Variants in GNG7 observed in about 807,000 individuals in gnomAD.
The protein encoded by GNG7 is G protein subunit gamma 7, also known as guanine nucleotide-binding protein G(I)/G(S)/G(O) subunit gamma-7.
A neutral mutation model predicts 4.0 loss-of-function variants in GNG7; 1 was observed. The ratio of observed to expected loss-of-function variants is 0.25; its 90% CI spans 0.09 to 1.18. GNG7 has a LOEUF of 1.18. Ranked by LOEUF, GNG7 falls within the 50% of genes most tolerant of loss-of-function variation. The pLI is 0.50. For missense variants in GNG7, 86 were observed against 91.9 expected (o/e 0.94, Z 0.26); for synonymous variants, 34 against 36.9 (o/e 0.92, Z 0.29).
At chr19:2,552,845 G>A (rs1979374129) in intron 3 of GNG7, among the ~76,000 whole-genome samples, 1 of 95,304 alleles carries the variant, frequency 1.0e-5, no homozygotes, top group South Asian at 3.8e-4. Flanking sequence ...CCATCCTCCC[G>A]GCTCCACCCC....
intron 1 of GNG7, among the ~76,000 whole-genome samples, chr19:2,651,275 TCCC>T (rs1568274477): frequency 3.4e-4 from 30 of 87,560 alleles, no homozygotes; most frequent in African/African-American, 1.5e-3. Flanking sequence ...CTTCCTTCCC[TCCC>T]TCCCTCCATC....
chr19:2,539,916 T>C (rs758477), intron 3 of GNG7, among the ~76,000 whole-genome samples: 15 of 120,840 alleles, frequency 1.2e-4, no homozygotes, highest in South Asian at 3.0e-4. Flanking sequence ...TCCCTCCCTC[T>C]TTCTCTTTCT....
At chr19:2,586,287 C>T (rs1485580382) in intron 2 of GNG7, among the ~76,000 whole-genome samples, 1 of 152,216 alleles carries the variant, frequency 6.6e-6, no homozygotes, top group African/African-American at 2.4e-5. Flanking sequence ...TGTGGCAAGA[C>T]CCCTTGTTGG....
At chr19:2,636,608 A>G (rs1437873662) in intron 2 of GNG7, among the ~76,000 whole-genome samples, 1 of 151,768 alleles carries the variant, frequency 6.6e-6, no homozygotes, top group Non-Finnish European at 1.5e-5. Flanking sequence ...CCTTAAGGCC[A>G]CTCCTGGGGA....
chr19:2,534,535 T>C (rs10414862), intron 3 of GNG7, among the ~76,000 whole-genome samples: 43,839 of 152,166 alleles, frequency 0.29, 7,296 homozygotes, highest in Non-Finnish European at 0.38. Context: ...GATCATCTCC[T>C]TTCTCACCCT....
intron 2 of GNG7, among the ~76,000 whole-genome samples, chr19:2,591,700 T>C (rs1328847563): frequency 6.6e-6 from 1 of 152,130 alleles, no homozygotes; most frequent in African/African-American, 2.4e-5. Flanking sequence ...ATATGTAGCA[T>C]ATGTAACAAA....
intron 1 of GNG7, among the ~76,000 whole-genome samples, chr19:2,677,718 C>T (rs982562970): frequency 2.6e-5 from 4 of 152,094 alleles, no homozygotes; most frequent in Admixed American, 2.6e-4. Context: ...TGTGGAATCC[C>T]CTAACCCCCG....
intron 2 of GNG7, among the ~76,000 whole-genome samples, chr19:2,565,660 G>A (rs1979883607): frequency 6.6e-6 from 1 of 152,136 alleles, no homozygotes; most frequent in Admixed American, 6.6e-5. Context: ...ATCACTGGGA[G>A]AGGCCCATCC....
At chr19:2,673,789 A>C (rs1325994873) in intron 1 of GNG7, among the ~76,000 whole-genome samples, 1 of 151,912 alleles carries the variant, frequency 6.6e-6, no homozygotes, top group Non-Finnish European at 1.5e-5. Context: ...TGGTCTTTTT[A>C]GAAAATTTCT....
At chr19:2,553,051 G>C (rs960885217) in intron 3 of GNG7, among the ~76,000 whole-genome samples, 4 of 144,238 alleles carry the variant, frequency 2.8e-5, no homozygotes, top group African/African-American at 1.0e-4. Flanking sequence ...GCGAGTCGAC[G>C]AAACCAAAAG....
chr19:2,568,690 CACAT>C (rs1370052340), intron 2 of GNG7, among the ~76,000 whole-genome samples: 5 of 150,544 alleles, frequency 3.3e-5, no homozygotes, highest in African/African-American at 4.9e-5. Flanking sequence ...TACACATACA[CACAT>C]ACATAAAATA....
At chr19:2,630,900 G>C (rs372251039) in intron 2 of GNG7, 3 of 152,046 alleles carry the variant, frequency 2.0e-5, no homozygotes, top group African/African-American at 7.2e-5. Context: ...CTGCAGACTA[G>C]AGCATTCTGG....
At chr19:2,539,445 C>T (rs1449776278) in intron 3 of GNG7, among the ~76,000 whole-genome samples, 2 of 151,892 alleles carry the variant, frequency 1.3e-5, no homozygotes, top group African/African-American at 4.8e-5. Context: ...GCTGGGATTA[C>T]AGGTGTCCGC....
At chr19:2,685,208 T>G (rs1158366392) in intron 1 of GNG7, among the ~76,000 whole-genome samples, 1 of 151,736 alleles carries the variant, frequency 6.6e-6, no homozygotes, top group African/African-American at 2.4e-5. Flanking sequence ...CTGTGCTTCA[T>G]GAGGACACAG....
chr19:2,608,660 C>T (rs1417922311), intron 2 of GNG7, among the ~76,000 whole-genome samples: 1 of 152,214 alleles, frequency 6.6e-6, no homozygotes, highest in African/African-American at 2.4e-5. Context: ...CCCCCTCTCT[C>T]TGCAGCAGGG....
At chr19:2,569,630 T>C (rs1980085645) in intron 2 of GNG7, among the ~76,000 whole-genome samples, 1 of 152,120 alleles carries the variant, frequency 6.6e-6, no homozygotes, top group African/African-American at 2.4e-5. Flanking sequence ...GTCGCTATCA[T>C]ACTAAATAGG....
chr19:2,648,445 A>C (rs998138650), intron 1 of GNG7, among the ~76,000 whole-genome samples: 1 of 152,190 alleles, frequency 6.6e-6, no homozygotes, highest in African/African-American at 2.4e-5. Context: ...ATGCTAACAT[A>C]AGGGAAAACT....
At chr19:2,571,588 C>CTTTTTTTTTTTTTTT (rs779497111) in intron 2 of GNG7, among the ~76,000 whole-genome samples, 6 of 68,012 alleles carry the variant, frequency 8.8e-5, no homozygotes, top group Non-Finnish European at 1.5e-4. Flanking sequence ...CATTTCTTTC[C>CTTTTTTTTTTTTTTT]TTTTTTTTTT....
At chr19:2,588,379 G>A (rs1203382533) in intron 2 of GNG7, among the ~76,000 whole-genome samples, 2 of 152,198 alleles carry the variant, frequency 1.3e-5, no homozygotes, top group Admixed American at 6.5e-5. Context: ...AAACCAGCAC[G>A]ACGCGGCTCT....
Sources: gnomAD v4.1 joint callset for allele counts (sites outside exome capture counted in the v4.1 genomes callset) on GRCh38, gnomAD v4.1.1 for gene constraint, MANE v1.5 for transcripts, NCBI Gene and HGNC (gene_info 2026-07-23, HGNC 2026-07-21) for gene names.